TFB1M: variants seen among roughly 807,000 people sequenced by gnomAD.
TFB1M encodes dimethyladenosine transferase 1, mitochondrial.
TFB1M carries 27 observed loss-of-function variants against 31.1 expected under a neutral mutation model. The ratio of observed to expected loss-of-function variants is 0.87; its 90% CI spans 0.64 to 1.20. The LOEUF (loss-of-function observed/expected upper bound fraction) is 1.20, where lower values mean the gene tolerates loss of function less well. Among genes scored for constraint, TFB1M ranks in the 50% most tolerant of loss-of-function variants. The pLI, the probability that TFB1M is intolerant of heterozygous loss-of-function variation, is 0.00. For synonymous variants in TFB1M, 166 were observed against 151.8 expected, an observed-to-expected ratio of 1.09 and a Z score of -0.69; for missense variants, 394 against 418.7, an observed-to-expected ratio of 0.94 and a Z score of 0.51.
intron 4 of TFB1M, 69 bp downstream of exon 4, chr6:155,296,884 A>C: frequency 7.2e-7 from 1 of 1,381,440 alleles, no homozygotes; most frequent in Non-Finnish European, 1.0e-6. Context: ...TGTGGTAAAA[A>C]TGCAGTATTA....
chr6:155,310,472 T>G (rs1777966307), intron 2 of TFB1M, among the ~76,000 whole-genome samples: 1 of 152,194 alleles, frequency 6.6e-6, no homozygotes, highest in African/African-American at 2.4e-5. Context: ...AGCTCTTTCT[T>G]AGAAAAGATC....
chr6:155,251,374 C>T (rs141505629), downstream of TFB1M, among the ~76,000 whole-genome samples: 1,328 of 152,276 alleles, frequency 8.7e-3, 24 homozygotes, highest in African/African-American at 0.03. Flanking sequence ...GCAACCTCCA[C>T]CTCCCAGGTT....
chr6:155,237,573 G>T, the TFB1M span, among the ~76,000 whole-genome samples: 8 of 152,248 alleles, frequency 5.3e-5, no homozygotes, highest in South Asian at 2.1e-4. Context: ...GCAAACTTCT[G>T]CCTGGACATC....
chr6:155,294,649 T>G (rs928245646), intron 4 of TFB1M, among the ~76,000 whole-genome samples: 11 of 152,338 alleles, frequency 7.2e-5, no homozygotes, highest in African/African-American at 2.6e-4. Flanking sequence ...TGTACAAGTC[T>G]GGCAATAGTG....
intron 5 of TFB1M, among the ~76,000 whole-genome samples, chr6:155,276,742 C>G (rs1191610438): frequency 6.6e-6 from 1 of 152,190 alleles, no homozygotes. Context: ...GTACCTTGCC[C>G]TGGTGTTAAC....
intron 2 of TFB1M, among the ~76,000 whole-genome samples, chr6:155,304,474 G>T (rs1210878707): frequency 1.3e-5 from 2 of 151,964 alleles, no homozygotes; most frequent in Non-Finnish European, 2.9e-5. Flanking sequence ...AAAAAACAGA[G>T]AAAATAGATG....
chr6:155,290,258 C>A (rs1435313848), intron 4 of TFB1M, among the ~76,000 whole-genome samples: 1 of 151,858 alleles, frequency 6.6e-6, no homozygotes, highest in East Asian at 1.9e-4. Context: ...TGGTGGTGGG[C>A]GCCTGTAGTC....
chr6:155,259,469 C>CTAAAA (rs1257336074), intron 6 of TFB1M, among the ~76,000 whole-genome samples: 9 of 152,218 alleles, frequency 5.9e-5, no homozygotes, highest in African/African-American at 1.9e-4. Flanking sequence ...CAGCTGGCCC[C>CTAAAA]TAAAATAATC....
chr6:155,266,941 G>A (rs1425651861), intron 5 of TFB1M, among the ~76,000 whole-genome samples: 1 of 150,864 alleles, frequency 6.6e-6, no homozygotes, highest in African/African-American at 2.4e-5. Context: ...GGTGGGAGAG[G>A]GGAAGAGAAC....
intron 5 of TFB1M, among the ~76,000 whole-genome samples, chr6:155,268,698 G>A (rs11156018): frequency 0.31 from 46,525 of 151,660 alleles, 7,827 homozygotes; most frequent in East Asian, 0.66. Flanking sequence ...TCAGGGTTAA[G>A]TGGATTAAGG....
the TFB1M span, among the ~76,000 whole-genome samples, chr6:155,232,018 T>C: frequency 6.6e-6 from 1 of 152,122 alleles, no homozygotes; most frequent in Non-Finnish European, 1.5e-5. Flanking sequence ...GAGGCAGACA[T>C]TGCACTGAGC....
downstream of TFB1M, chr6:155,252,978 A>T (rs141401040): frequency 6.2e-7 from 1 of 1,613,686 alleles, no homozygotes. Context: ...ACACAACTCT[A>T]CTGACTTGGA....
At chr6:155,245,768 T>TTTTGCA in the TFB1M span, 3 of 1,441,044 alleles carry the variant, frequency 2.1e-6, no homozygotes, top group Non-Finnish European at 2.8e-6. Context: ...TTTTTTTTTT[T>TTTTGCA]TTGCATTTTT....
the TFB1M span, among the ~76,000 whole-genome samples, chr6:155,231,840 C>T: frequency 9.2e-5 from 14 of 152,190 alleles, no homozygotes; most frequent in East Asian, 1.9e-4. Flanking sequence ...TTTGGGAGGA[C>T]GTGGCAGGTG....
At chr6:155,236,478 C>G in the TFB1M span, among the ~76,000 whole-genome samples, 2 of 152,096 alleles carry the variant, frequency 1.3e-5, no homozygotes, top group Non-Finnish European at 2.9e-5. Flanking sequence ...GCCTGGCCAA[C>G]ATGGCAAAAC....
rs111548474 is a variant in TFB1M at position 155,292,634 on chromosome 6, A to G, written c.546+4319T>C. ...CACAACAAACCCAACACTCAACCCA[A>G]TACCACAAAATCCAGCCCTCATCAG... On this transcript the variant is annotated intron_variant, in intron 4 of 6. Coordinates refer to ENST00000367166, the MANE Select transcript of TFB1M (RefSeq NM_016020.4). Among the ~76,000 whole-genome samples, 1,032 of 152,268 alleles carry G rather than the reference A, an allele frequency of 6.8e-3. 20 individuals are homozygous for G. Among genetic ancestry groups the G allele is most frequent in the African/African-American group, 0.023 (964 of 41,542 alleles).
chr6:155,246,992 C>G, the TFB1M span, among the ~76,000 whole-genome samples: 4 of 152,236 alleles, frequency 2.6e-5, no homozygotes, highest in Admixed American at 6.5e-5. Flanking sequence ...CACCTGGATT[C>G]CTACACACAC....
chr6:155,248,090 C>T, the TFB1M span: 26 of 1,614,230 alleles, frequency 1.6e-5, no homozygotes, highest in Non-Finnish European at 2.1e-5. Flanking sequence ...CTCATCAAGC[C>T]GGTTCAGAGA....
At chr6:155,239,747 C>T in the TFB1M span, among the ~76,000 whole-genome samples, 8 of 152,172 alleles carry the variant, frequency 5.3e-5, no homozygotes, top group African/African-American at 1.7e-4. Flanking sequence ...CTAGGCCTGG[C>T]CCTGGCTCCC....
Sources: gnomAD v4.1 joint callset for allele counts (sites outside exome capture counted in the v4.1 genomes callset) on GRCh38, gnomAD v4.1.1 for gene constraint, MANE v1.5 for transcripts, NCBI Gene and HGNC (gene_info 2026-07-23, HGNC 2026-07-21) for gene names.